The following PFKFB4 variants were observed in gnomAD, a reference collection of about 807,000 sequenced individuals.
PFKFB4 encodes the protein 6-phosphofructo-2-kinase/fructose-2,6-biphosphatase 4, also known as 6-phosphofructo-2-kinase/fructose-2,6-bisphosphatase 4.
PFKFB4 carries 42 observed loss-of-function variants against 62.8 expected under a neutral mutation model. The ratio of observed to expected loss-of-function variants is 0.67; its 90% CI spans 0.52 to 0.86. PFKFB4 has a LOEUF of 0.86. PFKFB4 is among the 40% of genes least tolerant of loss of function. PFKFB4 has a pLI of 0.00. For missense variants in PFKFB4, 475 were observed against 627.2 expected (o/e 0.76, Z 2.59); for synonymous variants, 204 against 240.7 (o/e 0.85, Z 1.41).
chr3:48,527,684 CTTTTT>C (rs1180697646), intron 9 of PFKFB4, among the ~76,000 whole-genome samples: 1 of 121,206 alleles, frequency 8.3e-6, no homozygotes. Context: ...CGTCCATCAT[CTTTTT>C]TTTTTTTTTT....
intron 9 of PFKFB4, 39 bp from the exon 10 acceptor site, chr3:48,525,708 CAGA>C (rs1250255092): frequency 8.3e-7 from 1 of 1,198,890 alleles, no homozygotes; most frequent in Admixed American, 1.9e-5. Context: ...CCTACAGGCC[CAGA>C]AGATGAGCCT....
chr3:48,536,821 C>T (rs2042635710), intron 7 of PFKFB4: 1 of 218,058 alleles, frequency 4.6e-6, no homozygotes, highest in Non-Finnish European at 9.2e-6. Flanking sequence ...AATACACTGT[C>T]TGTAAGTTGA....
At chr3:48,559,565 C>T (rs1224818837), upstream of PFKFB4, 2 of 457,030 alleles carry the variant, frequency 4.4e-6, no homozygotes, top group Admixed American at 4.7e-5. Context: ...CGTCTGCTCT[C>T]TCAGCATCAG....
intron 5 of PFKFB4, 151 bp from the exon 6 acceptor site, chr3:48,539,461 C>T (rs1286169204): frequency 1.0e-5 from 8 of 764,518 alleles, no homozygotes; most frequent in Admixed American, 8.4e-5. Context: ...GGGCTGGAGG[C>T]GGGGTCAAGG....
At position 48,556,655 on chromosome 3, in the gene PFKFB4, C is replaced by T; in HGVS notation, c.97+26G>A. On this transcript the variant is annotated intron_variant, in intron 1 of 13. Transcript: ENST00000232375. The surrounding 1 kb of genome is among the most constrained non-coding windows in gnomAD (Gnocchi z 5.7). ...CCCACCCATCCCGGTGCACCTCCCA[C>T]CTCCTCCCAGAGGACCCCGCCTCAC... 1.2e-6 allele frequency: 2 copies of T among 1,608,188 alleles called. No homozygotes were observed. Among genetic ancestry groups the T allele is most frequent in the South Asian group, 1.1e-5 (1 of 90,726 alleles).
chr3:48,551,218 T>TC (rs1438088893), intron 1 of PFKFB4, among the ~76,000 whole-genome samples: 4 of 149,676 alleles, frequency 2.7e-5, no homozygotes, highest in African/African-American at 4.9e-5. Flanking sequence ...ACTTTTCTTT[T>TC]TTTTTTTTTT....
In PFKFB4 at chr3:48,521,550, G is replaced by A. The variant is rs949659830; in HGVS notation, c.1350+436C>T. Among the ~76,000 whole-genome samples the A allele has an allele frequency of 9.9e-5, 15 of 152,202 alleles. No homozygotes were observed. Among genetic ancestry groups the A allele is most frequent in the African/African-American group, 3.4e-4 (14 of 41,450 alleles). On this transcript the variant is annotated intron_variant, in intron 13 of 13. Transcript: ENST00000232375. The surrounding 1 kb of genome is among the most constrained non-coding windows in gnomAD (Gnocchi z 5.3). Reference sequence around the variant, plus strand: ...TGCTGGGGTTAGGAAAGGGGCTCATGAGGCCTCGGCTGCAGGGATGGGGAG... The same window carrying A: ...TGCTGGGGTTAGGAAAGGGGCTCATAAGGCCTCGGCTGCAGGGATGGGGAG...
At chr3:48,522,763 CT>C (rs112668189) in intron 12 of PFKFB4, among the ~76,000 whole-genome samples, 535 of 143,404 alleles carry the variant, frequency 3.7e-3, no homozygotes, top group Non-Finnish European at 3.6e-3. Flanking sequence ...TCACAACAAA[CT>C]TTTTTTTTTT....
chr3:48,532,502 A>G (rs911814869), intron 9 of PFKFB4, among the ~76,000 whole-genome samples: 2 of 152,206 alleles, frequency 1.3e-5, no homozygotes, highest in African/African-American at 4.8e-5. Context: ...TTGGCAGATG[A>G]ATGGATACAC....
intron 12 of PFKFB4, among the ~76,000 whole-genome samples, chr3:48,523,211 C>G (rs970953195): frequency 6.6e-6 from 1 of 152,048 alleles, no homozygotes; most frequent in Non-Finnish European, 1.5e-5. Flanking sequence ...TGGTGACACT[C>G]TGTCTCTACT....
At chr3:48,529,903 G>A (rs947656984) in intron 9 of PFKFB4, among the ~76,000 whole-genome samples, 2 of 152,068 alleles carry the variant, frequency 1.3e-5, no homozygotes, top group African/African-American at 2.4e-5. Context: ...GCAGTGAGCT[G>A]AGATGGTGCT....
intron 9 of PFKFB4, among the ~76,000 whole-genome samples, chr3:48,533,913 C>A (rs1191344425): frequency 1.3e-5 from 2 of 152,108 alleles, no homozygotes; most frequent in African/African-American, 4.8e-5. Context: ...CGAGACTAGG[C>A]AGGACTGTGA....
upstream of PFKFB4, chr3:48,559,538 T>C (rs1320549625): frequency 2.2e-6 from 1 of 457,160 alleles, no homozygotes; most frequent in Non-Finnish European, 4.4e-6. Context: ...GTCCTCTCCA[T>C]GGAGATGCTG....
chr3:48,555,838 T>C (rs2043297957), intron 1 of PFKFB4, among the ~76,000 whole-genome samples: 1 of 151,716 alleles, frequency 6.6e-6, no homozygotes, highest in South Asian at 2.1e-4. Context: ...CAGAAGGTCG[T>C]GGCTGCAGTG....
chr3:48,524,872 T>G (rs2107463908), intron 10 of PFKFB4, among the ~76,000 whole-genome samples: 1 of 152,318 alleles, frequency 6.6e-6, no homozygotes, highest in East Asian at 1.9e-4. Context: ...CCTCAGTTTC[T>G]GACCTGGGGC....
intron 3 of PFKFB4, chr3:48,547,974 G>A (rs2043015373): frequency 1.3e-5 from 2 of 152,234 alleles, no homozygotes; most frequent in African/African-American, 4.8e-5. Context: ...CCAGAGCCAG[G>A]ATTCGGATAC....
At chr3:48,550,875 C>G (rs888049774) in intron 1 of PFKFB4, among the ~76,000 whole-genome samples, 3 of 152,206 alleles carry the variant, frequency 2.0e-5, no homozygotes, top group Non-Finnish European at 4.4e-5. Context: ...GCAGAAGAAG[C>G]CCTGTGGTAT....
intron 1 of PFKFB4, among the ~76,000 whole-genome samples, chr3:48,552,380 T>C (rs2043182944): frequency 6.6e-6 from 1 of 152,222 alleles, no homozygotes; most frequent in South Asian, 2.1e-4. Flanking sequence ...CAGTGGGGGC[T>C]CCATCACTCC....
rs2042108106 is a variant in PFKFB4, at chr3:48,521,939, C to T, written c.1350+47G>A. 6.6e-7 allele frequency: 1 copy of T among 1,504,356 alleles called. No individual in the cohort carries two copies. Among genetic ancestry groups the T allele is most frequent in the African/African-American group, 1.4e-5 (1 of 72,914 alleles). The allele number at this position is 1,504,356 out of a possible 1,614,324, so 93.2% of individuals were successfully genotyped here. A position where few individuals can be genotyped will look rare whatever the true frequency, so the allele number is the denominator to read the frequency against. The stretch of plus-strand genomic sequence containing the variant: ...CTGGAGGATGTGCAGTCTGGACACC[C>T]CCACATCAGGAACACCCCGCTACCC... On this transcript the variant is annotated intron_variant, in intron 13 of 13. Coordinates refer to ENST00000232375, the MANE Select transcript of PFKFB4 (RefSeq NM_004567.4). This position sits in a 1 kb window ranked among gnomAD's most constrained non-coding sequence, Gnocchi z 5.3.
Sources: allele counts gnomAD v4.1 joint callset (sites outside exome capture counted in the v4.1 genomes callset), GRCh38; gene constraint gnomAD v4.1.1; non-coding constraint Gnocchi (gnomAD v3.1); transcripts MANE v1.5; gene names NCBI Gene and HGNC (gene_info 2026-07-23, HGNC 2026-07-21).